SLC27A1: variants seen among roughly 807,000 people sequenced by gnomAD.
The protein encoded by SLC27A1 is solute carrier family 27 member 1.
Under a neutral mutation model 62.2 loss-of-function variants are expected in SLC27A1, and 61 were observed. That is an observed-to-expected ratio of 0.98 (90% CI 0.80 to 1.21). The LOEUF is 1.21. SLC27A1 is among the 50% of genes most tolerant of loss of function. SLC27A1 has a pLI of 0.00. For missense variants in SLC27A1, 903 were observed against 932.1 expected (o/e 0.97, Z 0.41); for synonymous variants, 435 against 408.6 (o/e 1.06, Z -0.78).
intron 1 of SLC27A1, among the ~76,000 whole-genome samples, chr19:17,485,833 A>G (rs1001581529): frequency 1.3e-5 from 2 of 152,168 alleles, no homozygotes. Flanking sequence ...TCAAAAAAAA[A>G]ACAAAAAAAC....
chr19:17,479,472 G>T (rs11666579), intron 1 of SLC27A1, among the ~76,000 whole-genome samples: 75,931 of 151,962 alleles, frequency 0.5, 19,374 homozygotes, highest in South Asian at 0.55. Flanking sequence ...ACAATCCATT[G>T]TATAGGTCAT....
chr19:17,500,029 T>G, intron 7 of SLC27A1: 1 of 549,040 alleles, frequency 1.8e-6, no homozygotes, highest in Non-Finnish European at 3.2e-6. Context: ...ATGGAGGGTT[T>G]TGTGGATCAG....
At chr19:17,469,374 AGCAAGAATACAG>A (rs2075051308), upstream of SLC27A1, among the ~76,000 whole-genome samples, 7 of 151,884 alleles carry the variant, frequency 4.6e-5, no homozygotes, top group African/African-American at 1.7e-4. Context: ...GACAAGCTGG[AGCAAGAATACAG>A]CCCGCGCGGG....
intron 11 of SLC27A1, 90 bp from the exon 12 acceptor site, chr19:17,504,365 G>T: frequency 6.8e-7 from 1 of 1,467,674 alleles, no homozygotes; most frequent in South Asian, 1.2e-5. Context: ...CAGCCTGTGG[G>T]AAGGTCCAGA....
chr19:17,481,650 T>TG lies in SLC27A1; in HGVS notation c.168-4912dup, dbSNP rs201769643. Among the ~76,000 whole-genome samples the TG allele has an allele frequency of 9.3e-3, 1,415 of 152,132 alleles. 21 individuals are homozygous for TG. The highest frequency in any genetic ancestry group is 0.033 in the African/African-American group (1,351 of 41,506). On this transcript the variant is annotated intron_variant, in intron 1 of 11. Coordinates refer to ENST00000252595, the MANE Select transcript of SLC27A1 (RefSeq NM_198580.3). ...TTCTGAGTAGTTGGGACTACAGGCT[T>TG]GCGCCACTACCCTGGCTAATTTCTG...
At chr19:17,475,834 A>G (rs1183248369) in intron 1 of SLC27A1, among the ~76,000 whole-genome samples, 2 of 152,166 alleles carry the variant, frequency 1.3e-5, no homozygotes, top group African/African-American at 2.4e-5. Context: ...AGAGCTGGAC[A>G]GTGGGCTCAT....
chr19:17,477,215 T>C (rs531481038), intron 1 of SLC27A1, among the ~76,000 whole-genome samples: 4 of 145,782 alleles, frequency 2.7e-5, no homozygotes, highest in Non-Finnish European at 4.5e-5. Context: ...GCTGCTCTGT[T>C]TATTGGTTGA....
intron 4 of SLC27A1, among the ~76,000 whole-genome samples, chr19:17,488,591 C>T (rs1298187718): frequency 2.6e-5 from 4 of 152,200 alleles, no homozygotes; most frequent in Admixed American, 6.5e-5. Flanking sequence ...TCACACTTCA[C>T]CTCCCTAGAC....
intron 11 of SLC27A1, among the ~76,000 whole-genome samples, chr19:17,503,061 A>G (rs529701579): frequency 1.3e-5 from 2 of 152,266 alleles, no homozygotes; most frequent in South Asian, 4.2e-4. Flanking sequence ...AGTGTGTGCA[A>G]GGGAACTCCC....
upstream of SLC27A1, chr19:17,470,491 G>A (rs964614333): frequency 1.4e-6 from 2 of 1,466,952 alleles, no homozygotes; most frequent in African/African-American, 3.0e-5. Flanking sequence ...AGCGGGTCGT[G>A]GGGCGGGGCT....
At position 17,487,537 on chromosome 19, in the gene SLC27A1, G is replaced by C; in HGVS notation, c.794+8G>C. On this transcript the variant is annotated splice_region_variant and intron_variant, in intron 4 of 11. Coordinates refer to ENST00000252595, the MANE Select transcript of SLC27A1 (RefSeq NM_198580.3). The stretch of plus-strand genomic sequence containing the variant: ...CATTGTCGTGCACAGCAGGTGAGGG[G>C]CCCACAGGCATAATGCCCTCAGCCG... 6.2e-7 allele frequency: 1 copy of C among 1,610,642 alleles called. No homozygotes were observed. Among genetic ancestry groups the C allele is most frequent in the Non-Finnish European group, 8.5e-7 (1 of 1,179,656 alleles).
Position 17,486,526 on chromosome 19 carries a change from G to A in SLC27A1, c.168-37G>A. On this transcript the variant is annotated intron_variant, in intron 1 of 11. Transcript: ENST00000252595. The surrounding 1 kb of genome is among the most constrained non-coding windows in gnomAD (Gnocchi z 6.6). ...GCTCCCAGAGGCCAGGCGGGGCAGG[G>A]CACCAGTGACGCTGTCCCCTCCGTC... 6.5e-7 allele frequency: 1 copy of A among 1,531,768 alleles called. No individual in the cohort carries two copies. The highest frequency in any genetic ancestry group is 8.7e-7 in the Non-Finnish European group (1 of 1,144,278). The allele number at this position is 1,531,768 out of a possible 1,614,324, so 94.9% of individuals were successfully genotyped here.
chr19:17,494,541 G>T (rs973558949), intron 6 of SLC27A1, among the ~76,000 whole-genome samples: 3 of 151,062 alleles, frequency 2.0e-5, no homozygotes, highest in African/African-American at 7.3e-5. Context: ...TGGCCAGGCT[G>T]GTCTCGAACT....
chr19:17,486,415 A>C lies in SLC27A1; in HGVS notation c.168-148A>C. On this transcript the variant is annotated intron_variant, in intron 1 of 11. Coordinates refer to ENST00000252595, the MANE Select transcript of SLC27A1 (RefSeq NM_198580.3). This position sits in a 1 kb window ranked among gnomAD's most constrained non-coding sequence, Gnocchi z 6.6. ...GGTAAATGGCCCTTGCCCTTGGTCC[A>C]CTGAGAGATCCAGCCACCAAAAGTT... 1 of 947,508 alleles carries C rather than the reference A, an allele frequency of 1.1e-6. No homozygotes were observed. Among genetic ancestry groups the C allele is most frequent in the Non-Finnish European group, 1.5e-6 (1 of 656,612 alleles). 58.7% of individuals were successfully genotyped at this position (947,508 alleles called of 1,614,324 possible). A position where few individuals can be genotyped will look rare whatever the true frequency, so the allele number is the denominator to read the frequency against.
chr19:17,500,410 C>G lies in SLC27A1; in HGVS notation c.1333+6C>G. 6.2e-7 allele frequency: 1 copy of G among 1,613,510 alleles called. No individual in the cohort carries two copies. Among genetic ancestry groups the G allele is most frequent in the Non-Finnish European group, 8.5e-7 (1 of 1,179,670 alleles). Reference sequence around the variant, plus strand: ...CTGCATCCCCTGCCAGGCCGGTGAGCAGGGCCCCCGCATGGTCCCCACCCG... The same window carrying G: ...CTGCATCCCCTGCCAGGCCGGTGAGGAGGGCCCCCGCATGGTCCCCACCCG... On this transcript the variant is annotated splice_donor_region_variant and intron_variant, in intron 8 of 11. Transcript: ENST00000252595.
At chr19:17,473,363 C>T (rs1249699293) in intron 1 of SLC27A1, among the ~76,000 whole-genome samples, 1 of 152,166 alleles carries the variant, frequency 6.6e-6, no homozygotes, top group Non-Finnish European at 1.5e-5. Flanking sequence ...TACCAAATTT[C>T]CTTTTAGCTC....
intron 6 of SLC27A1, among the ~76,000 whole-genome samples, chr19:17,493,866 T>C (rs2075320645): frequency 6.6e-6 from 1 of 152,126 alleles, no homozygotes; most frequent in African/African-American, 2.4e-5. Flanking sequence ...CCTCAGGTGA[T>C]CTGCCTGCCC....
At chr19:17,471,766 C>T (rs1386205175) in intron 1 of SLC27A1, among the ~76,000 whole-genome samples, 3 of 152,178 alleles carry the variant, frequency 2.0e-5, no homozygotes, top group Non-Finnish European at 4.4e-5. Context: ...ACCCCTTCTG[C>T]ATGCCATGGC....
At chr19:17,498,667 A>G in intron 7 of SLC27A1, 1 of 241,640 alleles carries the variant, frequency 4.1e-6, no homozygotes. Flanking sequence ...CCGGGGGACC[A>G]CTACCACCAA....
Sources: allele counts gnomAD v4.1 joint callset (sites outside exome capture counted in the v4.1 genomes callset), GRCh38; gene constraint gnomAD v4.1.1; non-coding constraint Gnocchi (gnomAD v3.1); transcripts MANE v1.5; gene names NCBI Gene and HGNC (gene_info 2026-07-23, HGNC 2026-07-21).